Variants in NUDCD3 observed in about 807,000 individuals in gnomAD.
The protein encoded by NUDCD3 is NudC domain containing 3.
A neutral mutation model predicts 39.7 loss-of-function variants in NUDCD3; 13 were observed. The observed-to-expected ratio is 0.33, with a 90% confidence interval of 0.21 to 0.52. NUDCD3 has a LOEUF of 0.52. Ranked by LOEUF, NUDCD3 falls within the 20% of genes least tolerant of loss-of-function variation. NUDCD3 has a pLI of 0.96. For missense variants in NUDCD3, 453 were observed against 458.1 expected (o/e 0.99, Z 0.10); for synonymous variants, 175 against 172.4 (o/e 1.02, Z -0.12).
intron 2 of NUDCD3, among the ~76,000 whole-genome samples, chr7:44,435,994 T>G (rs1405398427): frequency 3.9e-5 from 6 of 152,152 alleles, no homozygotes; most frequent in African/African-American, 9.7e-5. Context: ...TCTAAGTTTT[T>G]TGGACAAATA....
chr7:44,449,870 C>T (rs1385792888), intron 2 of NUDCD3, among the ~76,000 whole-genome samples: 1 of 140,038 alleles, frequency 7.1e-6, no homozygotes, highest in East Asian at 2.1e-4. Flanking sequence ...AAAAAAAAAA[C>T]TGATACACTG....
intron 4 of NUDCD3, among the ~76,000 whole-genome samples, chr7:44,399,072 G>C (rs1798675066): frequency 6.6e-6 from 1 of 152,250 alleles, no homozygotes; most frequent in Non-Finnish European, 1.5e-5. Flanking sequence ...ATGTATTCCA[G>C]GGATGGGGCC....
chr7:44,477,822 CTTTTTTTTTTTT>C (rs938640330), intron 2 of NUDCD3, among the ~76,000 whole-genome samples: 2 of 94,148 alleles, frequency 2.1e-5, no homozygotes, highest in Non-Finnish European at 4.3e-5. Flanking sequence ...ATGAACAATT[CTTTTTTTTTTTT>C]TTTTTTTTTT....
chr7:44,468,511 A>T (rs1800180984), intron 2 of NUDCD3, among the ~76,000 whole-genome samples: 1 of 152,098 alleles, frequency 6.6e-6, no homozygotes, highest in South Asian at 2.1e-4. Flanking sequence ...TAATTTTTTT[A>T]AAAGGGGGAA....
chr7:44,387,810 G>C (rs890526118), intron 5 of NUDCD3, among the ~76,000 whole-genome samples: 4 of 152,164 alleles, frequency 2.6e-5, no homozygotes, highest in African/African-American at 9.7e-5. Flanking sequence ...TGGAGAGCAG[G>C]CATTCCTGTG....
Position 44,380,126 on chromosome 7 carries a change from G to A in NUDCD3, c.*5885C>T, listed in dbSNP as rs947000701. ...TCATCAGGCACCCTGAATGCTTTCA[G>A]GTGGATGGTTTGGATCTCTCCTCAC... On this transcript the variant is annotated 3_prime_UTR_variant, in exon 6 of 6. Coordinates refer to ENST00000355451, the MANE Select transcript of NUDCD3 (RefSeq NM_015332.4). 1.3e-5 allele frequency: 2 copies of A among 152,274 alleles called. No individual in the cohort carries two copies. The highest frequency in any genetic ancestry group is 2.9e-5 in the Non-Finnish European group (2 of 68,108). 9.4% of individuals were successfully genotyped at this position (152,274 alleles called of 1,614,324 possible).
intron 4 of NUDCD3, among the ~76,000 whole-genome samples, chr7:44,403,988 G>A (rs774656343): frequency 7.2e-5 from 11 of 152,154 alleles, no homozygotes; most frequent in Non-Finnish European, 1.0e-4. Context: ...ATTTGTGAGC[G>A]AGTCTGCTAA....
intron 2 of NUDCD3, among the ~76,000 whole-genome samples, chr7:44,481,617 T>C (rs1002279571): frequency 2.6e-5 from 4 of 152,366 alleles, no homozygotes; most frequent in Admixed American, 6.5e-5. Context: ...ACAATAACCA[T>C]GTCAGTAGTC....
At chr7:44,438,532 C>T (rs990514668) in intron 2 of NUDCD3, among the ~76,000 whole-genome samples, 1 of 152,036 alleles carries the variant, frequency 6.6e-6, no homozygotes, top group Non-Finnish European at 1.5e-5. Context: ...GACGTTGCAC[C>T]AATCCTAGAC....
chr7:44,469,846 AG>A (rs1800216842), intron 2 of NUDCD3, among the ~76,000 whole-genome samples: 2 of 152,166 alleles, frequency 1.3e-5, no homozygotes, highest in South Asian at 4.1e-4. Context: ...ATGGCAATGA[AG>A]GAAAAAAAAA....
At chr7:44,469,530 A>G (rs1585101109) in intron 2 of NUDCD3, among the ~76,000 whole-genome samples, 2 of 152,320 alleles carry the variant, frequency 1.3e-5, no homozygotes, top group Middle Eastern at 6.8e-3. Flanking sequence ...TTAATGGTAA[A>G]GGTATGCTGA....
At chr7:44,448,305 C>T (rs1427719767) in intron 2 of NUDCD3, among the ~76,000 whole-genome samples, 1 of 152,216 alleles carries the variant, frequency 6.6e-6, no homozygotes, top group East Asian at 1.9e-4. Context: ...CCTCTAAGAG[C>T]CAGGGCAGCC....
intron 3 of NUDCD3, among the ~76,000 whole-genome samples, chr7:44,411,395 ATCC>A (rs1798921774): frequency 6.6e-6 from 1 of 152,234 alleles, no homozygotes; most frequent in Admixed American, 6.5e-5. Context: ...AGGGTGTAGT[ATCC>A]AGAATACGTA....
chr7:44,418,050 T>C (rs1210278275), intron 3 of NUDCD3, among the ~76,000 whole-genome samples: 1 of 152,130 alleles, frequency 6.6e-6, no homozygotes, highest in African/African-American at 2.4e-5. Context: ...CCCAAACTCC[T>C]ACACACAGGG....
In NUDCD3 at chr7:44,385,781, C is replaced by T. The variant is rs1476973340; in HGVS notation, c.*230G>A. 18 of 533,818 alleles carry T rather than the reference C, an allele frequency of 3.4e-5. No individual in the cohort carries two copies. The highest frequency in any genetic ancestry group is 6.0e-5 in the Non-Finnish European group (18 of 301,020). The allele number at this position is 533,818 out of a possible 1,614,324, so 33.1% of individuals were successfully genotyped here. A position where few individuals can be genotyped will look rare whatever the true frequency, so the allele number is the denominator to read the frequency against. On this transcript the variant is annotated 3_prime_UTR_variant, in exon 6 of 6. Coordinates refer to ENST00000355451, the MANE Select transcript of NUDCD3 (RefSeq NM_015332.4). ...ATATCCTCTCCTGCATTTCAAACAC[C>T]TTCACTCAGTGTCAGCCACAGCGGC...
At chr7:44,400,293 T>C (rs1798697558) in intron 4 of NUDCD3, among the ~76,000 whole-genome samples, 1 of 152,186 alleles carries the variant, frequency 6.6e-6, no homozygotes, top group Non-Finnish European at 1.5e-5. Flanking sequence ...GCAAGAACTG[T>C]CATACGGTTT....
chr7:44,419,276 T>A (rs1025311018), intron 3 of NUDCD3, among the ~76,000 whole-genome samples: 1 of 152,122 alleles, frequency 6.6e-6, no homozygotes, highest in Non-Finnish European at 1.5e-5. Flanking sequence ...CCAGACTGCC[T>A]CTATAGATTC....
chr7:44,434,533 GCTT>G (rs963888713), intron 2 of NUDCD3, among the ~76,000 whole-genome samples: 1 of 152,142 alleles, frequency 6.6e-6, no homozygotes, highest in African/African-American at 2.4e-5. Flanking sequence ...CTAAGTTCAT[GCTT>G]CTTTACTAGC....
chr7:44,468,366 A>AG lies in NUDCD3; in HGVS notation c.509+16601_509+16602insC, dbSNP rs1235146275. 284 of 1,294,220 alleles carry AG rather than the reference A, an allele frequency of 2.2e-4. No homozygotes were observed. In the East Asian group the frequency reaches 3.9e-3, roughly 18 times the overall value. 80.2% of individuals were successfully genotyped at this position (1,294,220 alleles called of 1,614,324 possible). A position where few individuals can be genotyped will look rare whatever the true frequency, so the allele number is the denominator to read the frequency against. On this transcript the variant is annotated intron_variant, in intron 2 of 5. Transcript: ENST00000355451. ...AAAAACTGCAAAAAAAAAAAAAAAA[A>AG]AAAAGAAAAGAAAACTAAGGCCCAG...
Sources: allele counts gnomAD v4.1 joint callset (sites outside exome capture counted in the v4.1 genomes callset), GRCh38; gene constraint gnomAD v4.1.1; transcripts MANE v1.5; gene names NCBI Gene and HGNC (gene_info 2026-07-23, HGNC 2026-07-21).